Variants in HIPK2 observed in about 807,000 individuals in gnomAD.
HIPK2 encodes the protein homeodomain-interacting protein kinase 2.
In HIPK2, 27 loss-of-function variants were observed where a neutral mutation model predicts 113.7. The observed-to-expected ratio is 0.24, with a 90% confidence interval of 0.17 to 0.33. The LOEUF (loss-of-function observed/expected upper bound fraction) is 0.33. HIPK2 is among the 10% of genes least tolerant of loss of function. HIPK2 has a pLI of 1.00. For synonymous variants in HIPK2, 631 were observed against 642.2 expected (o/e 0.98, Z 0.26); for missense variants, 1,257 against 1,588.0 (o/e 0.79, Z 3.54).
intron 2 of HIPK2, among the ~76,000 whole-genome samples, chr7:139,650,512 T>A (rs1421851818): frequency 6.6e-6 from 1 of 151,742 alleles, no homozygotes; most frequent in African/African-American, 2.4e-5. Flanking sequence ...CATTTGTTCA[T>A]AAGGGACCGA....
At chr7:139,663,270 G>T (rs901877854) in intron 2 of HIPK2, among the ~76,000 whole-genome samples, 16 of 152,308 alleles carry the variant, frequency 1.1e-4, no homozygotes, top group African/African-American at 3.8e-4. Flanking sequence ...TACAGCCATG[G>T]ATTCACAGAA....
chr7:139,699,618 G>A (rs1794652861), intron 2 of HIPK2, among the ~76,000 whole-genome samples: 2 of 152,216 alleles, frequency 1.3e-5, no homozygotes, highest in Admixed American at 6.5e-5. Flanking sequence ...GGAGGGTGGA[G>A]CTGGCATAGG....
intron 7 of HIPK2, among the ~76,000 whole-genome samples, chr7:139,615,639 T>C (rs1800013353): frequency 6.6e-6 from 1 of 152,234 alleles, no homozygotes; most frequent in Non-Finnish European, 1.5e-5. Flanking sequence ...GTTTTGCCTC[T>C]AGAAGTTACA....
intron 13 of HIPK2, chr7:139,583,579 T>C (rs951397855): frequency 3.7e-6 from 2 of 544,342 alleles, no homozygotes; most frequent in Non-Finnish European, 3.2e-6. Flanking sequence ...AGCAGAGCCA[T>C]TGTAAAGGCA....
intron 2 of HIPK2, among the ~76,000 whole-genome samples, chr7:139,710,228 T>C (rs1167293879): frequency 2.0e-5 from 3 of 152,298 alleles, no homozygotes; most frequent in Middle Eastern, 3.4e-3. Context: ...CAGGCTTCAC[T>C]CACCGGATTA....
Position 139,716,860 on chromosome 7 carries a change from G to C in HIPK2, c.175C>G (p.Leu59Val), listed in dbSNP as rs781016298. Residue 59 changes from leucine to valine, a missense_variant, in exon 2 of 15, where the codon CTG becomes GTG. Leu to Val is a conservative substitution (Grantham distance 32). Transcript: ENST00000406875. This position sits in a 1 kb window ranked among gnomAD's most constrained non-coding sequence, Gnocchi z 9.3. ...ACGGTTGTGGTGGCTGGCTGCGACA[G>C]GGGGATGTTCTTGCTCTGGCTATAC... is the stretch of plus-strand genomic sequence containing the variant. ...KVYSQSKNIP[L>V]SQPATTTVST... The C allele has an allele frequency of 1.2e-6, 2 of 1,613,932 alleles. No homozygotes were observed. The highest frequency in any genetic ancestry group is 1.7e-6 in the Non-Finnish European group (2 of 1,179,882).
intron 1 of HIPK2, among the ~76,000 whole-genome samples, chr7:139,743,950 A>AT (rs1042026499): frequency 4.9e-4 from 75 of 152,308 alleles, no homozygotes; most frequent in African/African-American, 1.6e-3. Flanking sequence ...ACACAACCTA[A>AT]TTTTTTAAAT....
At chr7:139,686,787 T>C (rs1248588466) in intron 2 of HIPK2, among the ~76,000 whole-genome samples, 1 of 152,212 alleles carries the variant, frequency 6.6e-6, no homozygotes, top group Non-Finnish European at 1.5e-5. Flanking sequence ...TCCATAAGCC[T>C]CGTTGATAAA....
intron 2 of HIPK2, among the ~76,000 whole-genome samples, chr7:139,707,074 A>G (rs551803070): frequency 1.3e-5 from 2 of 152,190 alleles, no homozygotes; most frequent in South Asian, 4.1e-4. Context: ...TCCCAGGCAC[A>G]CTCCTGGAGG....
intron 2 of HIPK2, among the ~76,000 whole-genome samples, chr7:139,651,463 C>T (rs571129376): frequency 1.8e-4 from 28 of 152,334 alleles, no homozygotes; most frequent in African/African-American, 6.5e-4. Context: ...CTCTGGGCCA[C>T]TTGTCAGTTC....
In HIPK2 at chr7:139,628,304, G is replaced by A. The variant is rs748415349; in HGVS notation, c.1434+649C>T. On this transcript the variant is annotated intron_variant, in intron 5 of 14. Transcript: ENST00000406875. ...CATCCAGTTCATGGCACCTTCTAAC[G>A]GCTGCCCCAGGAAACATACACACTA... Among the ~76,000 whole-genome samples, 116 of 152,156 alleles carry A rather than the reference G, an allele frequency of 7.6e-4. 1 individual carries two copies. The highest frequency in any genetic ancestry group is 1.9e-4 in the Non-Finnish European group (13 of 68,042).
At position 139,715,913 on chromosome 7, in the gene HIPK2, T is replaced by TTA; in HGVS notation, c.1103+18_1103+19insTA. On this transcript the variant is annotated intron_variant, in intron 2 of 14. Coordinates refer to ENST00000406875, the MANE Select transcript of HIPK2 (RefSeq NM_022740.5). ...CACTGGGCATTCAGCAGCTCCTGTCTCCTTGTGGACGGTCTTACCTGTAAT... is the reference window on the plus strand; with the variant it reads ...CACTGGGCATTCAGCAGCTCCTGTCTTACCTTGTGGACGGTCTTACCTGTAAT... 1 of 1,603,464 alleles carries TTA rather than the reference T, an allele frequency of 6.2e-7. No homozygotes were observed. The highest frequency in any genetic ancestry group is 1.1e-5 in the South Asian group (1 of 90,082).
rs1798167172 is a variant in HIPK2, at chr7:139,568,665, T to G, written c.*4262A>C. On this transcript the variant is annotated 3_prime_UTR_variant, in exon 15 of 15. Transcript: ENST00000406875. ...TGCTCTAGATGATTCGTGGGCTAAG[T>G]AAGGACTAGGTTGGCATCCCTCTGC... 1 of 152,246 alleles carries G rather than the reference T, an allele frequency of 6.6e-6. No homozygotes were observed. The highest frequency in any genetic ancestry group is 1.5e-5 in the Non-Finnish European group (1 of 68,058). The allele number at this position is 152,246 out of a possible 1,614,324, so 9.4% of individuals were successfully genotyped here. A position where few individuals can be genotyped will look rare whatever the true frequency, so the allele number is the denominator to read the frequency against.
intron 5 of HIPK2, among the ~76,000 whole-genome samples, chr7:139,628,159 G>A (rs1800493964): frequency 6.6e-6 from 1 of 152,162 alleles, no homozygotes; most frequent in African/African-American, 2.4e-5. Flanking sequence ...CCAGAAGCTG[G>A]GAGACAGACA....
intron 2 of HIPK2, among the ~76,000 whole-genome samples, chr7:139,673,900 A>C (rs1269279818): frequency 1.4e-5 from 2 of 147,748 alleles, no homozygotes; most frequent in Admixed American, 6.7e-5. Flanking sequence ...AAAAAAAAAA[A>C]AAAAAAAAAA....
At chr7:139,583,585 A>G in intron 13 of HIPK2, 1 of 557,862 alleles carries the variant, frequency 1.8e-6, no homozygotes, top group Non-Finnish European at 3.1e-6. Flanking sequence ...GCCATTGTAA[A>G]GGCAGAGAGG....
chr7:139,576,874 C>T (rs1038739081), intron 13 of HIPK2, among the ~76,000 whole-genome samples: 4 of 152,158 alleles, frequency 2.6e-5, no homozygotes, highest in African/African-American at 7.2e-5. Flanking sequence ...ATCTCCCCAC[C>T]CCAGCTTGGG....
At chr7:139,672,222 A>G (rs1041338566) in intron 2 of HIPK2, among the ~76,000 whole-genome samples, 1 of 152,218 alleles carries the variant, frequency 6.6e-6, no homozygotes, top group African/African-American at 2.4e-5. Context: ...CATCTACCTC[A>G]TAACACTTGA....
intron 1 of HIPK2, among the ~76,000 whole-genome samples, chr7:139,744,969 G>A (rs1005707005): frequency 6.6e-6 from 1 of 152,240 alleles, no homozygotes; most frequent in Non-Finnish European, 1.5e-5. Context: ...TCATTTCACA[G>A]ATGAATAAGT....
Sources: gnomAD v4.1 joint callset for allele counts (sites outside exome capture counted in the v4.1 genomes callset) on GRCh38, gnomAD v4.1.1 for gene constraint, Gnocchi (gnomAD v3.1) non-coding constraint, MANE v1.5 for transcripts, NCBI Gene and HGNC (gene_info 2026-07-23, HGNC 2026-07-21) for gene names.